SPAG16: variants seen among roughly 807,000 people sequenced by gnomAD.
SPAG16 encodes the protein sperm associated antigen 16.
In SPAG16, 86 loss-of-function variants were observed where a neutral mutation model predicts 80.4. The ratio of observed to expected loss-of-function variants is 1.07; its 90% confidence interval spans 0.90 to 1.28. The LOEUF (loss-of-function observed/expected upper bound fraction) is 1.28. Ranked by LOEUF, SPAG16 falls within the 50% of genes most tolerant of loss-of-function variation. SPAG16 has a pLI of 0.00. For synonymous variants in SPAG16, 294 were observed against 265.9 expected, an observed-to-expected ratio of 1.11 and a Z score of -1.03; for missense variants, 870 against 765.3, an observed-to-expected ratio of 1.14 and a Z score of -1.61.
intron 13 of SPAG16, among the ~76,000 whole-genome samples, chr2:214,030,775 G>A (rs1397271137): frequency 6.6e-6 from 1 of 152,152 alleles, no homozygotes; most frequent in Non-Finnish European, 1.5e-5. Context: ...CAGCTGTACT[G>A]CAATTCCTGG....
intron 5 of SPAG16, among the ~76,000 whole-genome samples, chr2:213,333,721 T>A (rs112846289): frequency 1.5e-4 from 23 of 152,268 alleles, no homozygotes; most frequent in African/African-American, 5.5e-4. Context: ...AACACATTTT[T>A]GACATAAGTG....
chr2:213,705,609 T>A (rs771803133), intron 10 of SPAG16, among the ~76,000 whole-genome samples: 9 of 84,092 alleles, frequency 1.1e-4, no homozygotes, highest in African/African-American at 2.4e-4. Flanking sequence ...ATTAAGAAAA[T>A]TTTTTTAGGC....
At chr2:214,371,085 G>A (rs1418223290) in intron 15 of SPAG16, among the ~76,000 whole-genome samples, 1 of 152,104 alleles carries the variant, frequency 6.6e-6, no homozygotes, top group African/African-American at 2.4e-5. Context: ...AGATTAAGGT[G>A]GGCTATTACT....
chr2:213,573,671 C>A (rs1301912314), intron 10 of SPAG16, among the ~76,000 whole-genome samples: 2 of 151,950 alleles, frequency 1.3e-5, no homozygotes, highest in Non-Finnish European at 2.9e-5. Flanking sequence ...TTAAGTTTTT[C>A]TAGGTAAATG....
At chr2:213,960,411 A>G (rs1356985193) in intron 12 of SPAG16, among the ~76,000 whole-genome samples, 2 of 151,792 alleles carry the variant, frequency 1.3e-5, no homozygotes, top group South Asian at 4.1e-4. Flanking sequence ...TTTTCTTTGA[A>G]TGGACCATAC....
intron 10 of SPAG16, among the ~76,000 whole-genome samples, chr2:213,555,739 T>A (rs1186451858): frequency 6.6e-6 from 1 of 151,952 alleles, no homozygotes; most frequent in African/African-American, 2.4e-5. Flanking sequence ...TACTAATGAG[T>A]CACACAAAAA....
At chr2:213,432,616 A>G (rs1304628235) in intron 9 of SPAG16, among the ~76,000 whole-genome samples, 1 of 152,142 alleles carries the variant, frequency 6.6e-6, no homozygotes, top group African/African-American at 2.4e-5. Flanking sequence ...CTCCCAACAA[A>G]TAAAAGCCCA....
At chr2:213,447,638 A>G (rs1181493119) in intron 9 of SPAG16, among the ~76,000 whole-genome samples, 1 of 152,216 alleles carries the variant, frequency 6.6e-6, no homozygotes, top group Non-Finnish European at 1.5e-5. Context: ...CCTCTCCCTC[A>G]GTATCAATGT....
intron 10 of SPAG16, among the ~76,000 whole-genome samples, chr2:213,686,319 A>G (rs149226116): frequency 5.9e-5 from 9 of 152,128 alleles, no homozygotes; most frequent in South Asian, 4.1e-4. Flanking sequence ...GGGTTTCACT[A>G]TATTGGCCAA....
At chr2:214,227,534 T>C (rs2058723596) in intron 15 of SPAG16, among the ~76,000 whole-genome samples, 1 of 151,968 alleles carries the variant, frequency 6.6e-6, no homozygotes, top group Non-Finnish European at 1.5e-5. Flanking sequence ...TGTATCCTGA[T>C]GCCTCTTTCT....
At chr2:214,247,764 G>A (rs1019617122) in intron 15 of SPAG16, among the ~76,000 whole-genome samples, 3 of 152,088 alleles carry the variant, frequency 2.0e-5, no homozygotes, top group Non-Finnish European at 4.4e-5. Context: ...AGGCATGGTG[G>A]CTCATGCCTG....
intron 14 of SPAG16, among the ~76,000 whole-genome samples, chr2:214,133,128 A>ATT (rs140455193): frequency 3.2e-4 from 6 of 18,642 alleles, no homozygotes; most frequent in South Asian, 1.8e-3. Flanking sequence ...ATAAATAATA[A>ATT]TAAAAAAAAA....
chr2:213,642,463 C>A (rs911637964), intron 10 of SPAG16, among the ~76,000 whole-genome samples: 1 of 151,856 alleles, frequency 6.6e-6, no homozygotes, highest in African/African-American at 2.4e-5. Flanking sequence ...AAATATTGAT[C>A]CTGGGTGTGT....
chr2:214,403,095 G>A (rs892122974), intron 15 of SPAG16, among the ~76,000 whole-genome samples: 2 of 150,262 alleles, frequency 1.3e-5, no homozygotes, highest in African/African-American at 4.9e-5. Flanking sequence ...ATAACAGCAT[G>A]AGCCTTGGAG....
Position 214,337,562 on chromosome 2 carries a change from A to C in SPAG16, c.1721-72578A>C, listed in dbSNP as rs571483377. 6.6e-5 allele frequency among the ~76,000 whole-genome samples: 10 copies of C among 152,352 alleles called. No individual in the cohort carries two copies. In the South Asian group the frequency reaches 2.1e-3, roughly 32 times the overall value. On this transcript the variant is annotated intron_variant, in intron 15 of 15. Coordinates refer to ENST00000331683, the MANE Select transcript of SPAG16 (RefSeq NM_024532.5). ...ATAATGTTGTTTGGGCCCTGTTAAA[A>C]TCAGGTCTACCATTCTGATATTCTA...
At chr2:214,184,796 A>G (rs917496385) in intron 15 of SPAG16, among the ~76,000 whole-genome samples, 1 of 152,136 alleles carries the variant, frequency 6.6e-6, no homozygotes, top group Non-Finnish European at 1.5e-5. Flanking sequence ...TGAAAACTTA[A>G]AGCTTTCCAA....
chr2:213,842,780 AT>A (rs2074425166), intron 10 of SPAG16, among the ~76,000 whole-genome samples: 1 of 152,122 alleles, frequency 6.6e-6, no homozygotes, highest in Non-Finnish European at 1.5e-5. Context: ...TATTTTTATC[AT>A]TTAGAGACAG....
intron 13 of SPAG16, among the ~76,000 whole-genome samples, chr2:214,092,754 C>T (rs1326691606): frequency 6.6e-6 from 1 of 151,958 alleles, no homozygotes; most frequent in Non-Finnish European, 1.5e-5. Flanking sequence ...TTGCAATTTC[C>T]ATTTCTGTTT....
At chr2:214,404,169 T>A (rs1339787494) in intron 15 of SPAG16, among the ~76,000 whole-genome samples, 2 of 152,180 alleles carry the variant, frequency 1.3e-5, no homozygotes, top group African/African-American at 4.8e-5. Context: ...CAAATGCAGA[T>A]TTGTATCAGA....
Sources: gnomAD v4.1 joint callset for allele counts (sites outside exome capture counted in the v4.1 genomes callset) on GRCh38, gnomAD v4.1.1 for gene constraint, MANE v1.5 for transcripts, NCBI Gene and HGNC (gene_info 2026-07-23, HGNC 2026-07-21) for gene names.